Variants in TMPRSS9 observed in about 807,000 individuals in gnomAD.
TMPRSS9 encodes transmembrane serine protease 9, also known as transmembrane protease serine 9.
TMPRSS9 carries 113 observed loss-of-function variants against 111.4 expected under a neutral mutation model. That is an observed-to-expected ratio of 1.01 (90% CI 0.87 to 1.19). The LOEUF is 1.19. TMPRSS9 is among the 50% of genes most tolerant of loss of function. The probability of loss-of-function intolerance (pLI) is 0.00; values close to 1 mark genes in which losing one functional copy is unlikely to be tolerated. For missense variants in TMPRSS9, 1,803 were observed against 1,513.1 expected, an observed-to-expected ratio of 1.19 and a Z score of -3.18; for synonymous variants, 805 against 659.1, an observed-to-expected ratio of 1.22 and a Z score of -3.39.
intron 7 of TMPRSS9, among the ~76,000 whole-genome samples, 161 bp downstream of exon 8, chr19:2,405,706 CTT>C (rs10608410): frequency 0.22 from 29,221 of 135,470 alleles, 3,212 homozygotes; most frequent in African/African-American, 0.34. Context: ...TGAGGGCATT[CTT>C]TTTTTTTTTT....
intron 4 of TMPRSS9, among the ~76,000 whole-genome samples, chr19:2,401,113 A>AC (rs965041434): frequency 6.6e-6 from 1 of 151,268 alleles, no homozygotes; most frequent in African/African-American, 2.4e-5. Flanking sequence ...TCTCTACTAA[A>AC]AATACAAAAA....
At chr19:2,416,404 C>G in intron 11 of TMPRSS9, 134 bp from the exon 13 acceptor site, 1 of 1,196,702 alleles carries the variant, frequency 8.4e-7, no homozygotes. Context: ...TCCCTGGAGC[C>G]GAAGGTCAGA....
rs72971464 is a variant in TMPRSS9, at chr19:2,402,118, C to T, written c.556+102C>T. 0.054 allele frequency: 63,685 copies of T among 1,169,510 alleles called. 2,179 individuals carry two copies. The highest frequency in any genetic ancestry group is 0.066 in the Non-Finnish European group (54,783 of 833,862). The allele number at this position is 1,169,510 out of a possible 1,614,324, so 72.4% of individuals were successfully genotyped here. Reference sequence around the variant, plus strand: ...AAGGAATCCCTGGAACGAGGCTGGGCGCGGTGGCTCACATCTGTCGTCCCA... The same window carrying T: ...AAGGAATCCCTGGAACGAGGCTGGGTGCGGTGGCTCACATCTGTCGTCCCA... On this transcript the variant is annotated intron_variant, in intron 5 of 17. Coordinates refer to ENST00000648592, the Ensembl canonical transcript of TMPRSS9.
intron 13 of TMPRSS9, among the ~76,000 whole-genome samples, chr19:2,420,688 G>A (rs1971444044): frequency 6.6e-6 from 1 of 152,150 alleles, no homozygotes; most frequent in South Asian, 2.1e-4. Flanking sequence ...ACCTCTCTGG[G>A]ACTCTGATCC....
exon 14 of TMPRSS9, chr19:2,421,932 G>A: frequency 6.2e-7 from 1 of 1,613,166 alleles, no homozygotes; most frequent in African/African-American, 1.3e-5. Context: ...CTGGGGTATT[G>A]GCTGCGCTCA....
intron 1 of TMPRSS9, among the ~76,000 whole-genome samples, chr19:2,371,882 G>A (rs1970293385): frequency 6.6e-6 from 1 of 152,176 alleles, no homozygotes; most frequent in African/African-American, 2.4e-5. Context: ...TGCCGAGAGA[G>A]TGGCGTCTGT....
intron 1 of TMPRSS9, among the ~76,000 whole-genome samples, chr19:2,368,777 T>TTTTTTTTTTTTG (rs1970266495): frequency 1.0e-5 from 1 of 99,648 alleles, no homozygotes; most frequent in Admixed American, 9.9e-5. Flanking sequence ...AAACCCAGTT[T>TTTTTTTTTTTTG]TTTTTTTTTT....
chr19:2,398,796 T>C, exon 3 of TMPRSS9: 2 of 1,450,982 alleles, frequency 1.4e-6, no homozygotes, highest in Non-Finnish European at 1.8e-6. Flanking sequence ...CTATTGCAGT[T>C]TGTAAGTAGT....
intron 14 of TMPRSS9, among the ~76,000 whole-genome samples, chr19:2,423,148 G>A (rs1971504262): frequency 6.6e-6 from 1 of 151,768 alleles, no homozygotes; most frequent in African/African-American, 2.4e-5. Context: ...TAACTTGGCA[G>A]CTGCCCTCAT....
intron 14 of TMPRSS9, among the ~76,000 whole-genome samples, chr19:2,422,600 C>T (rs892250922): frequency 1.3e-5 from 2 of 151,142 alleles, no homozygotes; most frequent in African/African-American, 4.9e-5. Context: ...ATAACGGCCT[C>T]TCTGGCTGGG....
At chr19:2,403,182 C>T (rs761825254) in exon 6 of TMPRSS9, 35 of 1,608,746 alleles carry the variant, frequency 2.2e-5, no homozygotes, top group South Asian at 1.6e-4. Flanking sequence ...ATGGGTCCGA[C>T]GAGGCGCACT....
upstream of TMPRSS9, among the ~76,000 whole-genome samples, chr19:2,384,852 T>TGG: frequency 6.9e-6 from 1 of 145,174 alleles, no homozygotes; most frequent in Non-Finnish European, 1.5e-5. Context: ...TGTGGTGGCA[T>TGG]GCACCTGTAA....
chr19:2,393,603 C>A (rs183733483), intron 1 of TMPRSS9, among the ~76,000 whole-genome samples: 2 of 152,054 alleles, frequency 1.3e-5, no homozygotes, highest in African/African-American at 2.4e-5. Context: ...CAAAAGAATG[C>A]AAACAATTAG....
At chr19:2,366,282 G>A (rs1490207297) in intron 1 of TMPRSS9, among the ~76,000 whole-genome samples, 1 of 151,946 alleles carries the variant, frequency 6.6e-6, no homozygotes, top group Non-Finnish European at 1.5e-5. Context: ...AGGAGGTTGA[G>A]GCTTCAGTGA....
At chr19:2,363,097 G>A (rs79290306) in intron 1 of TMPRSS9, among the ~76,000 whole-genome samples, 1,759 of 152,302 alleles carry the variant, frequency 0.012, 22 homozygotes, top group Non-Finnish European at 0.017. Context: ...GTCCTGCCAC[G>A]CGGAATGGGA....
exon 13 of TMPRSS9, chr19:2,418,100 T>C: frequency 1.2e-6 from 2 of 1,612,222 alleles, no homozygotes; most frequent in Non-Finnish European, 1.7e-6. Context: ...CCGCATGATC[T>C]GCGCAGGCTT....
chr19:2,363,413 T>C (rs1264428513), intron 1 of TMPRSS9, among the ~76,000 whole-genome samples: 1 of 148,050 alleles, frequency 6.8e-6, no homozygotes, highest in Non-Finnish European at 1.5e-5. Context: ...CGTGGAGGCA[T>C]GGTAGATGGA....
chr19:2,385,174 GGGGGCGGGGCTCGCGGGGGCGGGGCTCGA>G (rs1266969982), upstream of TMPRSS9, among the ~76,000 whole-genome samples: 2 of 127,526 alleles, frequency 1.6e-5, no homozygotes, highest in African/African-American at 8.8e-5. Context: ...GGGGCTCGCG[GGGGGCGGGGCTCGCGGGGGCGGGGCTCGA>G]GGGGGCGGGG....
chr19:2,366,865 A>G (rs1386638802), intron 1 of TMPRSS9, among the ~76,000 whole-genome samples: 3 of 149,840 alleles, frequency 2.0e-5, no homozygotes, highest in African/African-American at 7.4e-5. Context: ...TCAAAAAAAA[A>G]AAAAAAAAAA....
Sources: allele counts gnomAD v4.1 joint callset (sites outside exome capture counted in the v4.1 genomes callset), GRCh38; gene constraint gnomAD v4.1.1; transcripts MANE v1.5; gene names NCBI Gene and HGNC (gene_info 2026-07-23, HGNC 2026-07-21).